The following RUNDC3B variants were observed in gnomAD, a reference collection of about 807,000 sequenced individuals.
RUNDC3B encodes the protein RUN domain-containing protein 3B.
A neutral mutation model predicts 58.4 loss-of-function variants in RUNDC3B; 33 were observed. The observed-to-expected ratio is 0.56, with a 90% CI of 0.43 to 0.75. RUNDC3B has a LOEUF of 0.75. RUNDC3B is among the 30% of genes least tolerant of loss of function. The pLI, the probability that RUNDC3B is intolerant of heterozygous loss-of-function variation, is 0.00. For missense variants in RUNDC3B, 501 were observed against 535.7 expected (o/e 0.94, Z 0.64); for synonymous variants, 193 against 195.2 (o/e 0.99, Z 0.10).
At chr7:87,685,544 T>C (rs949921822) in intron 2 of RUNDC3B, among the ~76,000 whole-genome samples, 1 of 152,132 alleles carries the variant, frequency 6.6e-6, no homozygotes, top group Non-Finnish European at 1.5e-5. Context: ...CATGTATAAA[T>C]GTCAGATACA....
At chr7:87,632,427 T>C (rs1821315637) in intron 1 of RUNDC3B, among the ~76,000 whole-genome samples, 1 of 152,340 alleles carries the variant, frequency 6.6e-6, no homozygotes, top group Middle Eastern at 3.4e-3. Context: ...TGTTGTAGAC[T>C]AAAAACATTT....
At chr7:87,764,864 A>C (rs1833895269) in intron 6 of RUNDC3B, among the ~76,000 whole-genome samples, 1 of 151,922 alleles carries the variant, frequency 6.6e-6, no homozygotes, top group Non-Finnish European at 1.5e-5. Context: ...TAAACATACA[A>C]GGGAGAGTGT....
At chr7:87,710,535 T>G (rs1346291704) in intron 3 of RUNDC3B, 35 bp from the exon 4 acceptor site, 11 of 1,321,248 alleles carry the variant, frequency 8.3e-6, no homozygotes, top group Non-Finnish European at 1.2e-5. Flanking sequence ...TTTTTTTAAT[T>G]TTTTTTATAT....
chr7:87,748,237 A>G (rs1327214284), intron 6 of RUNDC3B, among the ~76,000 whole-genome samples: 1 of 152,052 alleles, frequency 6.6e-6, no homozygotes, highest in Non-Finnish European at 1.5e-5. Flanking sequence ...TTCTCCCACA[A>G]ACAGACCTTC....
intron 6 of RUNDC3B, among the ~76,000 whole-genome samples, chr7:87,742,427 C>T (rs563512462): frequency 6.6e-6 from 1 of 152,248 alleles, no homozygotes; most frequent in East Asian, 1.9e-4. Flanking sequence ...CATGGCTTAG[C>T]TCCCACGTAT....
At chr7:87,783,938 T>C (rs1470051940) in intron 8 of RUNDC3B, among the ~76,000 whole-genome samples, 1 of 152,160 alleles carries the variant, frequency 6.6e-6, no homozygotes, top group Non-Finnish European at 1.5e-5. Context: ...TGAGATTTTT[T>C]CTTTCACGTT....
rs115661781 is a variant in RUNDC3B, at chr7:87,814,611, A to G, written c.1104-1530A>G. ...GAGGATGAAATAAGTTCATATATAT[A>G]ATATATGTAGACAAGTGCCCAACAT... On this transcript the variant is annotated intron_variant, in intron 9 of 10. Coordinates refer to ENST00000394654, the MANE Select transcript of RUNDC3B (RefSeq NM_001134405.2). Among the ~76,000 whole-genome samples the G allele has an allele frequency of 2.4e-3, 370 of 152,278 alleles. 1 individual carries two copies. The highest frequency in any genetic ancestry group is 8.3e-3 in the African/African-American group (344 of 41,552).
chr7:87,727,660 C>G (rs1831319435), intron 4 of RUNDC3B, among the ~76,000 whole-genome samples: 1 of 151,868 alleles, frequency 6.6e-6, no homozygotes, highest in Non-Finnish European at 1.5e-5. Context: ...TTTAAAATAC[C>G]TTTTATTCCT....
chr7:87,731,168 G>GA (rs1038743317), intron 4 of RUNDC3B, among the ~76,000 whole-genome samples: 59 of 149,396 alleles, frequency 3.9e-4, no homozygotes, highest in African/African-American at 1.3e-3. Context: ...TCAATGCCAA[G>GA]AAAAAAAAAC....
intron 2 of RUNDC3B, among the ~76,000 whole-genome samples, chr7:87,663,264 A>G (rs1231716707): frequency 6.6e-6 from 1 of 151,868 alleles, no homozygotes; most frequent in Non-Finnish European, 1.5e-5. Flanking sequence ...CTCTTATTTT[A>G]TTGTAAATAC....
intron 2 of RUNDC3B, among the ~76,000 whole-genome samples, chr7:87,674,430 A>G (rs1826124284): frequency 6.6e-6 from 1 of 152,088 alleles, no homozygotes; most frequent in Admixed American, 6.5e-5. Flanking sequence ...GTGCCCACAC[A>G]TCAGTGGGGG....
intron 10 of RUNDC3B, among the ~76,000 whole-genome samples, chr7:87,829,075 A>G (rs986784386): frequency 6.6e-6 from 1 of 152,158 alleles, no homozygotes; most frequent in Non-Finnish European, 1.5e-5. Context: ...ATGATTACTG[A>G]TGATGAGCAT....
At chr7:87,763,488 C>G (rs546690340) in intron 6 of RUNDC3B, among the ~76,000 whole-genome samples, 13 of 151,542 alleles carry the variant, frequency 8.6e-5, no homozygotes, top group Non-Finnish European at 1.5e-4. Context: ...TGAAAATATG[C>G]TTATCTCATC....
intron 2 of RUNDC3B, among the ~76,000 whole-genome samples, chr7:87,671,998 G>A (rs1051094084): frequency 1.1e-4 from 16 of 152,098 alleles, no homozygotes; most frequent in Non-Finnish European, 1.6e-4. Context: ...CAGTTTGGCC[G>A]CATTTTGGTA....
intron 2 of RUNDC3B, among the ~76,000 whole-genome samples, chr7:87,685,453 G>C (rs980550293): frequency 7.9e-5 from 12 of 152,258 alleles, no homozygotes; most frequent in Non-Finnish European, 1.2e-4. Flanking sequence ...TCTTTCATGT[G>C]ATGCCTGGAT....
At chr7:87,721,818 C>T (rs1830911676) in intron 4 of RUNDC3B, among the ~76,000 whole-genome samples, 2 of 151,584 alleles carry the variant, frequency 1.3e-5, no homozygotes, top group Admixed American at 1.3e-4. Context: ...TCTCTCTGAT[C>T]TCATCTGTTT....
intron 10 of RUNDC3B, among the ~76,000 whole-genome samples, chr7:87,825,859 G>A (rs1837777065): frequency 6.6e-6 from 1 of 152,198 alleles, no homozygotes; most frequent in South Asian, 2.1e-4. Context: ...CTTGGGGTAT[G>A]TAGCCCCTTT....
intron 4 of RUNDC3B, among the ~76,000 whole-genome samples, chr7:87,734,133 C>G (rs1831777148): frequency 6.6e-6 from 1 of 152,124 alleles, no homozygotes; most frequent in South Asian, 2.1e-4. Context: ...CAAAAGATCA[C>G]TTAATAACAA....
intron 10 of RUNDC3B, among the ~76,000 whole-genome samples, chr7:87,828,137 G>A (rs1243150290): frequency 6.6e-6 from 1 of 151,996 alleles, no homozygotes; most frequent in Non-Finnish European, 1.5e-5. Context: ...AACAACTTGT[G>A]GGTAACAGGG....
Sources: allele counts gnomAD v4.1 joint callset (sites outside exome capture counted in the v4.1 genomes callset), GRCh38; gene constraint gnomAD v4.1.1; transcripts MANE v1.5; gene names NCBI Gene and HGNC (gene_info 2026-07-23, HGNC 2026-07-21).